The following DAB2IP variants were observed in gnomAD, a reference collection of about 807,000 sequenced individuals.
DAB2IP encodes disabled homolog 2-interacting protein.
In DAB2IP, 28 loss-of-function variants were observed where a neutral mutation model predicts 107.2. The observed-to-expected ratio is 0.26, with a 90% CI of 0.19 to 0.36. The LOEUF is 0.36. DAB2IP is among the 10% of genes least tolerant of loss of function. The probability of loss-of-function intolerance (pLI) is 1.00; values close to 1 mark genes in which losing one functional copy is unlikely to be tolerated. For missense variants in DAB2IP, 1,400 were observed against 1,644.7 expected (o/e 0.85, Z 2.57); for synonymous variants, 755 against 706.4 (o/e 1.07, Z -1.09).
chr9:121,572,533 G>T (rs1392762311), intron 1 of DAB2IP, among the ~76,000 whole-genome samples: 1 of 152,204 alleles, frequency 6.6e-6, no homozygotes, highest in Non-Finnish European at 1.5e-5. Flanking sequence ...TGGTTCCTTA[G>T]CTGTCAGCTG....
At chr9:121,773,252 G>A in exon 12 of DAB2IP, 1 of 1,547,466 alleles carries the variant, frequency 6.5e-7, no homozygotes, top group Non-Finnish European at 8.7e-7. Flanking sequence ...TGCCACGGCA[G>A]AACAGTGCTG....
chr9:121,754,495 A>G (rs539844563), intron 3 of DAB2IP, among the ~76,000 whole-genome samples: 1 of 152,228 alleles, frequency 6.6e-6, no homozygotes, highest in Non-Finnish European at 1.5e-5. Flanking sequence ...GGATGGATGC[A>G]GCCTCTGCTT....
upstream of DAB2IP, among the ~76,000 whole-genome samples, chr9:121,649,038 T>C (rs1208002689): frequency 6.6e-6 from 1 of 152,190 alleles, no homozygotes; most frequent in African/African-American, 2.4e-5. Context: ...GCCCTGTTCC[T>C]GGGCCAGGAA....
At chr9:121,655,450 G>C (rs1231547283) in intron 1 of DAB2IP, among the ~76,000 whole-genome samples, 6 of 152,204 alleles carry the variant, frequency 3.9e-5, no homozygotes, top group Non-Finnish European at 8.8e-5. Context: ...TATGTGCTGG[G>C]CTTCAGCTTG....
In DAB2IP at chr9:121,782,274, T is replaced by C. The variant is rs1835720551; in HGVS notation, c.3403-57T>C. The C allele has an allele frequency of 6.4e-7, 1 of 1,573,912 alleles. No homozygotes were observed. The highest frequency in any genetic ancestry group is 1.7e-5 in the Admixed American group (1 of 57,844). On this transcript the variant is annotated intron_variant, in intron 15 of 15. Transcript: ENST00000408936. The surrounding 1 kb of genome is among the most constrained non-coding windows in gnomAD (Gnocchi z 6.1). ...CCTTCCCCGATGCTTGTCGTAGGTA[T>C]ACACAGCCCTAAGGAGCCTGTCCCA... is the stretch of plus-strand genomic sequence containing the variant.
intron 3 of DAB2IP, among the ~76,000 whole-genome samples, chr9:121,716,396 A>G (rs1830605274): frequency 6.6e-6 from 1 of 152,230 alleles, no homozygotes; most frequent in South Asian, 2.1e-4. Flanking sequence ...ACTGAGTTTC[A>G]TCCCAAACTT....
rs1831952640 is a variant in DAB2IP at position 121,633,063 on chromosome 9, G to A, written c.41-45615G>A. Among the ~76,000 whole-genome samples, 1 of 152,212 alleles carries A rather than the reference G, an allele frequency of 6.6e-6. No individual in the cohort carries two copies. The highest frequency in any genetic ancestry group is 1.5e-5 in the Non-Finnish European group (1 of 68,034). ...GGGCAGTGGGAGCCCACTGATGCCG[G>A]AGAATAAATTTGCTGTTTTGTAGAG... On this transcript the variant is annotated intron_variant, in intron 1 of 16. Coordinates refer to the DAB2IP transcript ENST00000259371. The surrounding 1 kb of genome is among the most constrained non-coding windows in gnomAD (Gnocchi z 5.1).
chr9:121,781,910 T>C (rs1488399699), intron 15 of DAB2IP, among the ~76,000 whole-genome samples: 1 of 152,084 alleles, frequency 6.6e-6, no homozygotes, highest in African/African-American at 2.4e-5. Context: ...CCGGGCTGCA[T>C]TGAGGGGAGA....
chr9:121,782,660 G>GC lies in DAB2IP; in HGVS notation c.*164dup. ...TGTCCAGGAGGCGGCCGCAGAGGGA[G>GC]CCACCAGAGACTGAAGCAGCGTGAG... On this transcript the variant is annotated 3_prime_UTR_variant, in exon 16 of 16. Transcript: ENST00000408936. The surrounding 1 kb of genome is among the most constrained non-coding windows in gnomAD (Gnocchi z 6.1). 2 of 1,452,112 alleles carry GC rather than the reference G, an allele frequency of 1.4e-6. No homozygotes were observed. The highest frequency in any genetic ancestry group is 1.8e-6 in the Non-Finnish European group (2 of 1,107,808). 90.0% of individuals were successfully genotyped at this position (1,452,112 alleles called of 1,614,324 possible). A position where few individuals can be genotyped will look rare whatever the true frequency, so the allele number is the denominator to read the frequency against.
intron 9 of DAB2IP, 54 bp downstream of exon 9, chr9:121,766,784 G>C (rs1480651389): frequency 3.2e-6 from 5 of 1,577,376 alleles, no homozygotes; most frequent in Non-Finnish European, 4.3e-6. Flanking sequence ...TGTCCACAGG[G>C]CAGGCCCTGG....
At chr9:121,703,802 C>T (rs1225339563) in intron 3 of DAB2IP, among the ~76,000 whole-genome samples, 1 of 152,164 alleles carries the variant, frequency 6.6e-6, no homozygotes, top group Non-Finnish European at 1.5e-5. Flanking sequence ...TTTTCTCATC[C>T]ACAGTGTGGG....
intron 2 of DAB2IP, among the ~76,000 whole-genome samples, chr9:121,685,133 C>G (rs537618556): frequency 2.0e-5 from 3 of 152,140 alleles, no homozygotes; most frequent in Non-Finnish European, 4.4e-5. Flanking sequence ...CAAACCCTGC[C>G]CCCTCCGCCC....
At chr9:121,578,486 C>T (rs1830115683) in intron 1 of DAB2IP, among the ~76,000 whole-genome samples, 1 of 151,972 alleles carries the variant, frequency 6.6e-6, no homozygotes, top group Non-Finnish European at 1.5e-5. Flanking sequence ...GAGCCCCCGA[C>T]AGCTTCTCCG....
At chr9:121,637,270 G>C (rs1006422477) in intron 1 of DAB2IP, among the ~76,000 whole-genome samples, 1 of 152,248 alleles carries the variant, frequency 6.6e-6, no homozygotes, top group Non-Finnish European at 1.5e-5. Flanking sequence ...AGCACTGGGT[G>C]CAGTGCCTGG....
At chr9:121,642,979 G>A (rs980291250) in intron 1 of DAB2IP, among the ~76,000 whole-genome samples, 1 of 152,084 alleles carries the variant, frequency 6.6e-6, no homozygotes, top group Non-Finnish European at 1.5e-5. Context: ...GGGGTTTGTG[G>A]GAATGAGGCA....
At chr9:121,625,542 G>A (rs530376919) in intron 1 of DAB2IP, among the ~76,000 whole-genome samples, 23 of 152,276 alleles carry the variant, frequency 1.5e-4, no homozygotes, top group African/African-American at 5.3e-4. Flanking sequence ...GATTATAGGC[G>A]TGAGCCACCA....
chr9:121,639,906 T>C (rs2119031772), intron 1 of DAB2IP, among the ~76,000 whole-genome samples: 1 of 152,244 alleles, frequency 6.6e-6, no homozygotes, highest in South Asian at 2.1e-4. Context: ...CCTGGGCTGT[T>C]CCCCAGACTG....
chr9:121,617,504 T>C (rs1025296713), intron 1 of DAB2IP, among the ~76,000 whole-genome samples: 4 of 152,176 alleles, frequency 2.6e-5, no homozygotes, highest in Non-Finnish European at 5.9e-5. Context: ...GACAGCCCAA[T>C]ACAGCGGTTT....
At chr9:121,731,671 C>CTGGGGA (rs1831547254) in intron 3 of DAB2IP, among the ~76,000 whole-genome samples, 2 of 147,560 alleles carry the variant, frequency 1.4e-5, no homozygotes, top group South Asian at 4.3e-4. Context: ...CCCAGTGGGG[C>CTGGGGA]TGGGGCTGGG....
Sources: allele counts gnomAD v4.1 joint callset (sites outside exome capture counted in the v4.1 genomes callset), GRCh38; gene constraint gnomAD v4.1.1; non-coding constraint Gnocchi (gnomAD v3.1); transcripts MANE v1.5; gene names NCBI Gene and HGNC (gene_info 2026-07-23, HGNC 2026-07-21).